Variants in MALRD1 observed in about 807,000 individuals in gnomAD.
MALRD1 encodes the protein MAM and LDL receptor class A domain containing 1, also known as MAM and LDL-receptor class A domain-containing protein 1.
Under a neutral mutation model 242.1 loss-of-function variants are expected in MALRD1, and 247 were observed. The ratio of observed to expected loss-of-function variants is 1.02; its 90% CI spans 0.92 to 1.13. The LOEUF is 1.13. MALRD1 is among the 50% of genes most tolerant of loss of function. MALRD1 has a pLI of 0.00. For synonymous variants in MALRD1, 995 were observed against 866.6 expected (o/e 1.15, Z -2.60); for missense variants, 2,989 against 2,533.1 (o/e 1.18, Z -3.86).
At chr10:19,118,203 A>G (rs1284450823) in intron 5 of MALRD1, among the ~76,000 whole-genome samples, 4 of 152,204 alleles carry the variant, frequency 2.6e-5, no homozygotes, top group African/African-American at 9.6e-5. Context: ...CCATGTGAAT[A>G]TTAGATATGT....
chr10:19,429,388 AC>A (rs1000472779), intron 28 of MALRD1, among the ~76,000 whole-genome samples: 1 of 151,708 alleles, frequency 6.6e-6, no homozygotes, highest in Non-Finnish European at 1.5e-5. Context: ...TGGTGGTGAA[AC>A]CCCATCTCTA....
chr10:19,119,431 G>A (rs1836985873), intron 5 of MALRD1, among the ~76,000 whole-genome samples: 1 of 152,138 alleles, frequency 6.6e-6, no homozygotes, highest in Non-Finnish European at 1.5e-5. Context: ...TGAGCATTCA[G>A]GGATCAGAGT....
chr10:19,416,362 G>C (rs187624676), intron 28 of MALRD1, among the ~76,000 whole-genome samples: 2 of 152,152 alleles, frequency 1.3e-5, no homozygotes, highest in African/African-American at 4.8e-5. Flanking sequence ...AGGGACTACC[G>C]AAGAGCACCA....
intron 2 of MALRD1, among the ~76,000 whole-genome samples, chr10:19,084,840 A>G (rs549975386): frequency 1.3e-5 from 2 of 152,176 alleles, no homozygotes; most frequent in African/African-American, 2.4e-5. Context: ...TTAAGACTAT[A>G]AATGAAATTA....
At chr10:19,513,979 A>G (rs1833521409) in intron 31 of MALRD1, among the ~76,000 whole-genome samples, 1 of 152,164 alleles carries the variant, frequency 6.6e-6, no homozygotes, top group Non-Finnish European at 1.5e-5. Context: ...AAATGATGGG[A>G]TCTTAAAGTT....
intron 14 of MALRD1, among the ~76,000 whole-genome samples, chr10:19,186,308 G>C (rs1835734963): frequency 6.6e-6 from 1 of 152,170 alleles, no homozygotes. Flanking sequence ...CTAATGGGAG[G>C]TTGTTTCTGG....
At chr10:19,446,236 G>A (rs1035906825) in intron 28 of MALRD1, among the ~76,000 whole-genome samples, 13 of 152,064 alleles carry the variant, frequency 8.5e-5, no homozygotes, top group African/African-American at 2.9e-4. Context: ...TGTGGTTCCC[G>A]TGTGAGGTGA....
intron 35 of MALRD1, among the ~76,000 whole-genome samples, chr10:19,608,474 G>A (rs1041601555): frequency 2.0e-5 from 3 of 151,792 alleles, no homozygotes; most frequent in African/African-American, 4.8e-5. Context: ...CTAATTTATT[G>A]TAGCCCTTTG....
chr10:19,380,285 T>C (rs1479552629), intron 26 of MALRD1, among the ~76,000 whole-genome samples: 1 of 151,326 alleles, frequency 6.6e-6, no homozygotes, highest in Non-Finnish European at 1.5e-5. Context: ...TTCTTTTTTT[T>C]TTTTTTTGAT....
At chr10:19,595,106 C>A in intron 33 of MALRD1, 88 bp from the exon 34 acceptor site, 1 of 1,281,014 alleles carries the variant, frequency 7.8e-7, no homozygotes, top group Non-Finnish European at 1.0e-6. Flanking sequence ...TCATTTTATA[C>A]AATAAGAAAT....
chr10:19,060,933 T>C (rs1834805257), intron 1 of MALRD1, among the ~76,000 whole-genome samples: 1 of 152,200 alleles, frequency 6.6e-6, no homozygotes. Context: ...AAATACTATG[T>C]AGCCATAAAA....
intron 32 of MALRD1, among the ~76,000 whole-genome samples, chr10:19,553,076 A>G (rs1223492904): frequency 6.6e-6 from 1 of 152,178 alleles, no homozygotes; most frequent in Admixed American, 6.6e-5. Context: ...ATGAATGTTT[A>G]AAAGTCCTAA....
At chr10:19,331,693 G>A (rs1843380735) in intron 24 of MALRD1, 111 bp downstream of exon 24, 1 of 811,414 alleles carries the variant, frequency 1.2e-6, no homozygotes, top group African/African-American at 1.7e-5. Flanking sequence ...AACACCAGGG[G>A]AAGGTAAGGT....
chr10:19,381,977 C>T (rs957819603), intron 26 of MALRD1, among the ~76,000 whole-genome samples: 3 of 152,006 alleles, frequency 2.0e-5, no homozygotes, highest in African/African-American at 7.2e-5. Flanking sequence ...ATTATTTTGA[C>T]CAATGGTACT....
At chr10:19,319,338 C>A (rs1842828424) in intron 21 of MALRD1, among the ~76,000 whole-genome samples, 1 of 151,922 alleles carries the variant, frequency 6.6e-6, no homozygotes, top group Non-Finnish European at 1.5e-5. Flanking sequence ...TTCATTTTTC[C>A]CCTCATGGCT....
intron 36 of MALRD1, among the ~76,000 whole-genome samples, chr10:19,639,420 C>T (rs1195614751): frequency 1.3e-5 from 2 of 152,150 alleles, no homozygotes. Context: ...GCCTACCACA[C>T]GTGGAGATGC....
At chr10:19,292,850 G>T (rs1453221988) in intron 21 of MALRD1, among the ~76,000 whole-genome samples, 1 of 136,608 alleles carries the variant, frequency 7.3e-6, no homozygotes, top group East Asian at 2.2e-4. Flanking sequence ...CCGAGATCAC[G>T]CCATTGCACT....
At chr10:19,475,203 C>T (rs181968426) in intron 29 of MALRD1, among the ~76,000 whole-genome samples, 319 of 152,248 alleles carry the variant, frequency 2.1e-3, no homozygotes, top group African/African-American at 6.8e-3. Flanking sequence ...ATCACGAGGT[C>T]AGGAGATCGA....
chr10:19,134,400 TA>T (rs935301804), intron 9 of MALRD1, among the ~76,000 whole-genome samples: 2 of 152,228 alleles, frequency 1.3e-5, no homozygotes, highest in African/African-American at 4.8e-5. Flanking sequence ...TGCTGTCTCT[TA>T]AAAAATTAAA....
Sources: gnomAD v4.1 joint callset for allele counts (sites outside exome capture counted in the v4.1 genomes callset) on GRCh38, gnomAD v4.1.1 for gene constraint, MANE v1.5 for transcripts, NCBI Gene and HGNC (gene_info 2026-07-23, HGNC 2026-07-21) for gene names.